The following ATP9A variants were observed in gnomAD, a reference collection of about 807,000 sequenced individuals.
ATP9A encodes the protein probable phospholipid-transporting ATPase IIA.
Under a neutral mutation model 144.1 loss-of-function variants are expected in ATP9A, and 52 were observed. The ratio of observed to expected loss-of-function variants is 0.36; its 90% CI spans 0.29 to 0.45. The LOEUF (loss-of-function observed/expected upper bound fraction) is 0.45, where lower values mean the gene tolerates loss of function less well. Ranked by LOEUF, ATP9A falls within the 20% of genes least tolerant of loss-of-function variation. The pLI, the probability that ATP9A is intolerant of heterozygous loss-of-function variation, is 1.00. For synonymous variants in ATP9A, 582 were observed against 557.4 expected (o/e 1.04, Z -0.62); for missense variants, 947 against 1,392.7 (o/e 0.68, Z 5.09).
chr20:51,715,254 T>C (rs988806218), intron 3 of ATP9A, among the ~76,000 whole-genome samples: 1 of 152,196 alleles, frequency 6.6e-6, no homozygotes, highest in Non-Finnish European at 1.5e-5. Context: ...CATACATCTT[T>C]ACAATCAAAG....
chr20:51,646,286 G>T (rs900482767), intron 14 of ATP9A, among the ~76,000 whole-genome samples: 1 of 152,158 alleles, frequency 6.6e-6, no homozygotes, highest in Non-Finnish European at 1.5e-5. Context: ...AAATAAGCCA[G>T]ATCACGCTCA....
At position 51,657,007 on chromosome 20, in the gene ATP9A, A is replaced by G. The variant is rs2122769494; in HGVS notation, c.1437T>C (p.Thr479=). 1 of 1,614,218 alleles carries G rather than the reference A, an allele frequency of 6.2e-7. No homozygotes were observed. Among genetic ancestry groups the G allele is most frequent in the Non-Finnish European group, 8.5e-7 (1 of 1,180,048 alleles). The change falls in exon 14 of 28, where the codon ACT becomes ACC. Residue 479 remains threonine (T), a synonymous_variant. Transcript: ENST00000338821. ...ACTGCTTCTCGGCCTCAGCCTGATC[A>G]GTCACACCGTTGGACTCATACACGG... ...VTPVYESNGV[T]DQAEAEKQYE...
chr20:51,716,823 T>A (rs909142382), intron 3 of ATP9A, among the ~76,000 whole-genome samples: 5 of 152,302 alleles, frequency 3.3e-5, no homozygotes, highest in Admixed American at 3.3e-4. Context: ...GAAAGGATCA[T>A]TCCTTTTTAC....
In ATP9A at chr20:51,725,800, A is replaced by C. The variant is rs1370715576; in HGVS notation, c.327+19T>G. The C allele has an allele frequency of 6.7e-7, 1 of 1,499,882 alleles. No individual in the cohort carries two copies. Among genetic ancestry groups the C allele is most frequent in the Admixed American group, 1.7e-5 (1 of 59,690 alleles). The allele number at this position is 1,499,882 out of a possible 1,614,324, so 92.9% of individuals were successfully genotyped here. A position where few individuals can be genotyped will look rare whatever the true frequency, so the allele number is the denominator to read the frequency against. On this transcript the variant is annotated intron_variant, in intron 3 of 27. Transcript: ENST00000338821. ...CCAAACCTCTAAGGTTACTGAACAA[A>C]CAATGCCGATTAACTTACCAGGGGA...
intron 9 of ATP9A, among the ~76,000 whole-genome samples, chr20:51,682,577 CTTTTTTTTTTTTTTTTT>C (rs60505207): frequency 5.7e-5 from 2 of 35,078 alleles, no homozygotes; most frequent in African/African-American, 1.0e-4. Flanking sequence ...TTCACTGTAT[CTTTTTTTTTTTTTTTTT>C]TTTTTTTTTT....
chr20:51,691,337 C>T (rs914346619), intron 7 of ATP9A, among the ~76,000 whole-genome samples: 5 of 152,136 alleles, frequency 3.3e-5, no homozygotes, highest in African/African-American at 4.8e-5. Context: ...GGCATGGTGG[C>T]GCGTGCCTGT....
At chr20:51,627,480 G>T in intron 17 of ATP9A, 120 bp downstream of exon 17, 1 of 905,908 alleles carries the variant, frequency 1.1e-6, no homozygotes. Context: ...CAACAACAGT[G>T]AACCCAGTGT....
At chr20:51,716,306 C>G (rs1450566488) in intron 3 of ATP9A, among the ~76,000 whole-genome samples, 2 of 152,028 alleles carry the variant, frequency 1.3e-5, no homozygotes, top group South Asian at 2.1e-4. Context: ...TTATTAAAAG[C>G]TAAAACATGG....
At chr20:51,726,521 G>C (rs1018410243) in intron 2 of ATP9A, among the ~76,000 whole-genome samples, 5 of 152,122 alleles carry the variant, frequency 3.3e-5, no homozygotes, top group Non-Finnish European at 1.5e-5. Context: ...CTGGGGAAGG[G>C]GTAAAATCTA....
chr20:51,644,558 TG>T (rs1349232069), intron 14 of ATP9A, among the ~76,000 whole-genome samples: 2 of 152,072 alleles, frequency 1.3e-5, no homozygotes, highest in African/African-American at 4.8e-5. Context: ...GCATGGGCCA[TG>T]GCGCCCGGCC....
At chr20:51,719,670 T>C (rs1378075739) in intron 3 of ATP9A, among the ~76,000 whole-genome samples, 3 of 147,880 alleles carry the variant, frequency 2.0e-5, no homozygotes, top group African/African-American at 7.5e-5. Flanking sequence ...GAGGCAGAGG[T>C]TGCAGTGAGC....
At chr20:51,601,450 C>T in intron 27 of ATP9A, 103 bp from the exon 28 acceptor site, 2 of 1,217,936 alleles carry the variant, frequency 1.6e-6, no homozygotes, top group Non-Finnish European at 2.2e-6. Context: ...AAGTCATCTC[C>T]CGTCACAAAC....
intron 3 of ATP9A, among the ~76,000 whole-genome samples, chr20:51,716,327 T>G (rs984901550): frequency 2.0e-5 from 3 of 152,120 alleles, no homozygotes; most frequent in African/African-American, 7.2e-5. Context: ...CTGGGTGTGG[T>G]GGCTCACACC....
At chr20:51,665,109 G>GAAT (rs2077427290) in intron 13 of ATP9A, among the ~76,000 whole-genome samples, 3 of 151,610 alleles carry the variant, frequency 2.0e-5, no homozygotes, top group Non-Finnish European at 2.9e-5. Flanking sequence ...ACAACCGGAA[G>GAAT]AACCTTGCAA....
At chr20:51,719,133 A>G (rs2077677042) in intron 3 of ATP9A, among the ~76,000 whole-genome samples, 2 of 151,722 alleles carry the variant, frequency 1.3e-5, no homozygotes, top group African/African-American at 4.8e-5. Context: ...GTCTCAAAAA[A>G]AAAAAAGAGA....
At chr20:51,622,269 G>A (rs1333776295) in intron 18 of ATP9A, 97 bp from the exon 19 acceptor site, 1 of 980,376 alleles carries the variant, frequency 1.0e-6, no homozygotes, top group Non-Finnish European at 1.6e-6. Flanking sequence ...AGCTGAACTT[G>A]GTATGTTCCG....
chr20:51,693,217 A>G (rs1243516863), intron 7 of ATP9A, among the ~76,000 whole-genome samples: 2 of 152,220 alleles, frequency 1.3e-5, no homozygotes, highest in African/African-American at 4.8e-5. Flanking sequence ...GGATGCAGGG[A>G]GAGGTGGGCA....
chr20:51,742,560 G>A (rs1457857044), intron 1 of ATP9A, among the ~76,000 whole-genome samples: 4 of 151,896 alleles, frequency 2.6e-5, no homozygotes, highest in Non-Finnish European at 5.9e-5. Flanking sequence ...TGTCGCCCAG[G>A]CTGGAGTGCA....
intron 9 of ATP9A, among the ~76,000 whole-genome samples, chr20:51,684,064 A>G (rs1345671841): frequency 1.3e-5 from 2 of 152,182 alleles, no homozygotes; most frequent in Non-Finnish European, 2.9e-5. Flanking sequence ...GTGCGCCTAT[A>G]GTCGCAGCTA....
Sources: gnomAD v4.1 joint callset for allele counts (sites outside exome capture counted in the v4.1 genomes callset) on GRCh38, gnomAD v4.1.1 for gene constraint, MANE v1.5 for transcripts, NCBI Gene and HGNC (gene_info 2026-07-23, HGNC 2026-07-21) for gene names.